The following CTH variants were observed in gnomAD, a reference collection of about 807,000 sequenced individuals.
The protein encoded by CTH is cystathionine gamma-lyase.
A neutral mutation model predicts 50.6 loss-of-function variants in CTH; 41 were observed. The ratio of observed to expected loss-of-function variants is 0.81; its 90% CI spans 0.63 to 1.05. The LOEUF is 1.05. Among genes scored for constraint, CTH ranks in the 50% least tolerant of loss-of-function variants. The pLI is 0.00. For missense variants in CTH, 470 were observed against 492.6 expected, an observed-to-expected ratio of 0.95 and a Z score of 0.43; for synonymous variants, 156 against 168.9, an observed-to-expected ratio of 0.92 and a Z score of 0.59.
intron 3 of CTH, among the ~76,000 whole-genome samples, chr1:70,418,728 A>C (rs1381015692): frequency 6.6e-6 from 1 of 152,162 alleles, no homozygotes; most frequent in Non-Finnish European, 1.5e-5. Context: ...CAAGAGTTCA[A>C]CCCCACACAT....
At chr1:70,436,199 T>C (rs1684594909) in intron 10 of CTH, among the ~76,000 whole-genome samples, 1 of 151,768 alleles carries the variant, frequency 6.6e-6, no homozygotes, top group Non-Finnish European at 1.5e-5. Context: ...ATAATCCCAG[T>C]TACTTGGGTG....
At chr1:70,419,994 GTT>G (rs1161753778) in intron 3 of CTH, among the ~76,000 whole-genome samples, 17 of 136,250 alleles carry the variant, frequency 1.2e-4, no homozygotes, top group Admixed American at 7.4e-5. Context: ...GGACCGGCGT[GTT>G]TTTTTTTTTT....
At chr1:70,415,908 A>G (rs754055749) in intron 1 of CTH, 48 bp from the exon 2 acceptor site, 3 of 1,004,236 alleles carry the variant, frequency 3.0e-6, no homozygotes, top group Middle Eastern at 2.0e-4. Flanking sequence ...TAGGACTCTG[A>G]TAATAAACTG....
chr1:70,424,187 C>T (rs1684291654), intron 4 of CTH, 98 bp from the exon 5 acceptor site: 16 of 1,597,594 alleles, frequency 1.0e-5, no homozygotes, highest in Admixed American at 1.7e-5. Flanking sequence ...CATGTGTTTC[C>T]ATTATACAAT....
At chr1:70,423,513 G>A (rs949945517) in intron 4 of CTH, among the ~76,000 whole-genome samples, 7 of 151,662 alleles carry the variant, frequency 4.6e-5, no homozygotes, top group Admixed American at 3.3e-4. Context: ...CGAAGCTGCC[G>A]TTAGCTGTGA....
At chr1:70,422,102 C>A (rs1684237696) in intron 4 of CTH, among the ~76,000 whole-genome samples, 1 of 152,130 alleles carries the variant, frequency 6.6e-6, no homozygotes, top group Non-Finnish European at 1.5e-5. Context: ...AACTGCATAG[C>A]CAAAAGAGTA....
At chr1:70,431,139 C>T (rs1477034433) in intron 7 of CTH, 3 of 152,090 alleles carry the variant, frequency 2.0e-5, no homozygotes, top group Admixed American at 6.5e-5. Context: ...CATCGTGCCA[C>T]TGCAATCCAG....
intron 8 of CTH, among the ~76,000 whole-genome samples, chr1:70,433,393 G>T (rs112137325): frequency 1.0e-3 from 153 of 152,282 alleles, no homozygotes; most frequent in African/African-American, 3.6e-3. Context: ...AGGTATTGGA[G>T]ATTTATTCAA....
chr1:70,419,564 C>G (rs916931250), intron 3 of CTH, among the ~76,000 whole-genome samples: 1 of 152,194 alleles, frequency 6.6e-6, no homozygotes, highest in Non-Finnish European at 1.5e-5. Context: ...TTGCATTTCT[C>G]TGATGGCCAG....
In CTH at chr1:70,422,752, C is replaced by G. The variant is rs1237872618; in HGVS notation, c.456+1077C>G. On this transcript the variant is annotated intron_variant, in intron 4 of 11. Transcript: ENST00000370938. Reference sequence around the variant, plus strand: ...TCAGCCTACCGAGTAGCTGGGATTACAGGCGCCCATCACCATGCTCAGCTA... The same window carrying G: ...TCAGCCTACCGAGTAGCTGGGATTAGAGGCGCCCATCACCATGCTCAGCTA... Among the ~76,000 whole-genome samples the G allele has an allele frequency of 2.0e-5, 3 of 151,884 alleles. No individual in the cohort carries two copies. In the East Asian group the frequency reaches 5.8e-4, roughly 29 times the overall value.
chr1:70,420,118 G>T (rs185504917), intron 3 of CTH, among the ~76,000 whole-genome samples: 1 of 150,896 alleles, frequency 6.6e-6, no homozygotes, highest in Non-Finnish European at 1.5e-5. Flanking sequence ...TCAGCCTCCC[G>T]AGTAGCTGGG....
chr1:70,413,933 G>C (rs1306515451), intron 1 of CTH, among the ~76,000 whole-genome samples: 1 of 150,886 alleles, frequency 6.6e-6, no homozygotes, highest in Non-Finnish European at 1.5e-5. Flanking sequence ...GTAGAGACGG[G>C]GTTTCACCAT....
In CTH at chr1:70,424,376, T is replaced by G; in HGVS notation, c.548T>G (p.Ile183Ser). The G allele has an allele frequency of 6.2e-7, 1 of 1,614,136 alleles. No individual in the cohort carries two copies. The highest frequency in any genetic ancestry group is 8.5e-7 in the Non-Finnish European group (1 of 1,179,998). ...ATTGTCCATAAGCATGGAGACATTA[T>G]TTTGGTCGTGGATAACACTTTTATG... is the stretch of plus-strand genomic sequence containing the variant. ...AHIVHKHGDI[I>S]LVVDNTFMSP... Residue 183 changes from isoleucine to serine, a missense_variant, in exon 5 of 12, where the codon ATT becomes AGT. Coordinates refer to ENST00000370938, the MANE Select transcript of CTH (RefSeq NM_001902.6).
intron 9 of CTH, 76 bp from the exon 10 acceptor site, chr1:70,435,049 C>T: frequency 1.4e-6 from 2 of 1,380,226 alleles, no homozygotes; most frequent in Non-Finnish European, 2.0e-6. Context: ...CTGTGCCTGG[C>T]CTAAAAACAT....
rs1337545970 is a variant in CTH at position 70,424,428 on chromosome 1, T to C, written c.588+12T>C. The C allele has an allele frequency of 1.2e-6, 2 of 1,613,776 alleles. No individual in the cohort carries two copies. Among genetic ancestry groups the C allele is most frequent in the Non-Finnish European group, 1.7e-6 (2 of 1,179,836 alleles). ...CACCATATTTCCAGGTAAATGAAAA[T>C]AATTTTTTTTGGCACAATTAGTAGA... On this transcript the variant is annotated intron_variant, in intron 5 of 11. Coordinates refer to ENST00000370938, the MANE Select transcript of CTH (RefSeq NM_001902.6).
At position 70,439,105 on chromosome 1, in the gene CTH, C is replaced by T. The variant is rs748792460; in HGVS notation, c.1196C>T (p.Pro399Leu). 5.5e-5 allele frequency: 89 copies of T among 1,612,230 alleles called. 1 individual carries two copies. In the South Asian group the frequency reaches 9.4e-4, roughly 17 times the overall value. The change falls in exon 12 of 12, where the codon CCT (proline) becomes CTT (leucine). Residue 399 changes from proline to leucine, a missense_variant. By Grantham distance (98) the Pro-to-Leu change is moderately conservative. Coordinates refer to ENST00000370938, the MANE Select transcript of CTH (RefSeq NM_001902.6). ...DLDQALKAAH[P>L]PSGSHS The stretch of plus-strand genomic sequence containing the variant: ...TCTTGTGCACTGTTATTATAGCACC[C>T]TCCAAGTGGAAGTCACAGCTAGTAT...
chr1:70,426,598 A>G (rs1684351281), intron 5 of CTH, among the ~76,000 whole-genome samples: 1 of 152,174 alleles, frequency 6.6e-6, no homozygotes. Context: ...CCTGAAGCAC[A>G]CTTCCTGGCT....
At chr1:70,436,334 G>A (rs1285085379) in intron 10 of CTH, among the ~76,000 whole-genome samples, 1 of 151,826 alleles carries the variant, frequency 6.6e-6, no homozygotes, top group African/African-American at 2.4e-5. Context: ...TCTCAAAAAA[G>A]AACCAAAACA....
intron 11 of CTH, 129 bp downstream of exon 11, chr1:70,438,955 G>T: frequency 6.3e-7 from 1 of 1,582,852 alleles, no homozygotes; most frequent in South Asian, 1.1e-5. Flanking sequence ...TCCTGTAATA[G>T]ACCAGGTGTA....
Sources: allele counts gnomAD v4.1 joint callset (sites outside exome capture counted in the v4.1 genomes callset), GRCh38; gene constraint gnomAD v4.1.1; transcripts MANE v1.5; gene names NCBI Gene and HGNC (gene_info 2026-07-23, HGNC 2026-07-21).